SKAP1: variants seen among roughly 807,000 people sequenced by gnomAD.
SKAP1 encodes src kinase associated phosphoprotein 1, also known as src kinase-associated phosphoprotein 1.
In SKAP1, 44 loss-of-function variants were observed where a neutral mutation model predicts 58.5. The observed-to-expected ratio is 0.75, with a 90% CI of 0.59 to 0.97. The LOEUF is 0.97. Ranked by LOEUF, SKAP1 falls within the 50% of genes least tolerant of loss-of-function variation. The probability of loss-of-function intolerance (pLI) is 0.00; values close to 1 mark genes in which losing one functional copy is unlikely to be tolerated. For synonymous variants in SKAP1, 127 were observed against 149.7 expected, an observed-to-expected ratio of 0.85 and a Z score of 1.11; for missense variants, 390 against 435.2, an observed-to-expected ratio of 0.90 and a Z score of 0.92.
chr17:48,399,943 A>G (rs996519330), intron 1 of SKAP1, among the ~76,000 whole-genome samples: 25 of 152,260 alleles, frequency 1.6e-4, no homozygotes, highest in East Asian at 1.5e-3. Context: ...CAAACTGGAA[A>G]GGAAGAAGTA....
chr17:48,432,243 A>G (rs937586557), upstream of SKAP1, among the ~76,000 whole-genome samples: 14 of 152,190 alleles, frequency 9.2e-5, no homozygotes, highest in African/African-American at 3.4e-4. Context: ...AGCCTGACCA[A>G]TATAGTGAAA....
At chr17:48,257,628 C>CTTTTTTTTTTTTTTTTTTTTG (rs2065438880) in intron 4 of SKAP1, among the ~76,000 whole-genome samples, 2 of 111,152 alleles carry the variant, frequency 1.8e-5, no homozygotes, top group Admixed American at 9.3e-5. Context: ...TTCTTTCTTT[C>CTTTTTTTTTTTTTTTTTTTTG]TTTTTTTTTT....
At chr17:48,428,084 G>C (rs1179337234) in intron 1 of SKAP1, among the ~76,000 whole-genome samples, 2 of 151,890 alleles carry the variant, frequency 1.3e-5, no homozygotes, top group Non-Finnish European at 2.9e-5. Context: ...ATTATTACAG[G>C]AACCTTTAAA....
chr17:48,156,165 C>T (rs1261502090), intron 11 of SKAP1, among the ~76,000 whole-genome samples: 1 of 152,240 alleles, frequency 6.6e-6, no homozygotes. Context: ...TTTATATTAG[C>T]TCCTATTTCA....
At chr17:48,347,668 T>A (rs2066740335) in intron 3 of SKAP1, among the ~76,000 whole-genome samples, 1 of 152,240 alleles carries the variant, frequency 6.6e-6, no homozygotes, top group Admixed American at 6.5e-5. Context: ...TACTCTCTTT[T>A]ATTAGTTTAC....
chr17:48,165,167 T>A (rs1277835039), intron 10 of SKAP1, among the ~76,000 whole-genome samples: 3 of 152,122 alleles, frequency 2.0e-5, no homozygotes, highest in Admixed American at 6.5e-5. Context: ...CTAACATAGT[T>A]TGAGGGGTCA....
At chr17:48,364,073 C>A (rs751916655) in intron 2 of SKAP1, among the ~76,000 whole-genome samples, 1 of 152,180 alleles carries the variant, frequency 6.6e-6, no homozygotes, top group Non-Finnish European at 1.5e-5. Flanking sequence ...TAAAAGGGAA[C>A]CTAGCGGTGG....
intron 4 of SKAP1, among the ~76,000 whole-genome samples, chr17:48,280,523 C>T (rs573062407): frequency 6.6e-6 from 1 of 152,100 alleles, no homozygotes; most frequent in African/African-American, 2.4e-5. Flanking sequence ...AAATGACACA[C>T]AAAAAACACA....
At chr17:48,190,286 G>A (rs1280437085) in intron 4 of SKAP1, among the ~76,000 whole-genome samples, 1 of 151,522 alleles carries the variant, frequency 6.6e-6, no homozygotes, top group African/African-American at 2.4e-5. Flanking sequence ...TTTTTTTGTT[G>A]TATTTTTAGT....
At chr17:48,366,239 T>A (rs888003672) in intron 2 of SKAP1, among the ~76,000 whole-genome samples, 1 of 152,226 alleles carries the variant, frequency 6.6e-6, no homozygotes, top group Non-Finnish European at 1.5e-5. Flanking sequence ...GGAGAATAAG[T>A]ATGTTGCCAT....
intron 4 of SKAP1, among the ~76,000 whole-genome samples, chr17:48,307,078 G>A (rs2066152279): frequency 6.6e-6 from 1 of 152,112 alleles, no homozygotes; most frequent in African/African-American, 2.4e-5. Context: ...TAATATATGA[G>A]TATGTGAAGT....
Position 48,162,468 on chromosome 17 carries a change from C to T in SKAP1, c.978+1G>A. 1 of 1,610,724 alleles carries T rather than the reference C, an allele frequency of 6.2e-7. No homozygotes were observed. The highest frequency in any genetic ancestry group is 8.5e-7 in the Non-Finnish European group (1 of 1,177,448). On this transcript the variant is annotated splice_donor_variant, in intron 11 of 12. Transcript: ENST00000336915. LOFTEE classifies it high-confidence loss of function. ...TTAAGCCCCACACTTTCTGTCCTTA[C>T]CTTGCTCAGAATACGGATGAGGTCA... is the stretch of plus-strand genomic sequence containing the variant.
intron 3 of SKAP1, among the ~76,000 whole-genome samples, chr17:48,349,875 T>A (rs2066775280): frequency 6.6e-6 from 1 of 152,212 alleles, no homozygotes; most frequent in Non-Finnish European, 1.5e-5. Context: ...CCCTGTGTTT[T>A]CATTAACAGT....
chr17:48,422,895 A>G (rs1470357814), intron 1 of SKAP1, among the ~76,000 whole-genome samples: 3 of 152,258 alleles, frequency 2.0e-5, no homozygotes, highest in Non-Finnish European at 4.4e-5. Flanking sequence ...ATTTAAAACC[A>G]TAATGAAAGC....
rs144227171 is a variant in SKAP1 at position 48,135,133 on chromosome 17, C to T, written c.*8-1317G>A. 2.8e-3 allele frequency among the ~76,000 whole-genome samples: 428 copies of T among 152,304 alleles called. 12 individuals carry two copies. Among genetic ancestry groups the T allele is most frequent in the Admixed American group, 0.024 (373 of 15,302 alleles). On this transcript the variant is annotated intron_variant, in intron 12 of 12. Coordinates refer to ENST00000336915, the MANE Select transcript of SKAP1 (RefSeq NM_003726.4). ...CCTGAGCTGGTGTTGTATGGTTGTACAAGGGCATTGGAGAATAAGATCTAT... is the reference window on the plus strand; with the variant it reads ...CCTGAGCTGGTGTTGTATGGTTGTATAAGGGCATTGGAGAATAAGATCTAT...
rs556467361 is a variant in SKAP1, at chr17:48,157,795, T to C, written c.978+4674A>G. 2.8e-3 allele frequency among the ~76,000 whole-genome samples: 421 copies of C among 150,910 alleles called. 2 individuals are homozygous for C. Among genetic ancestry groups the C allele is most frequent in the African/African-American group, 9.8e-3 (405 of 41,170 alleles). On this transcript the variant is annotated intron_variant, in intron 11 of 12. Transcript: ENST00000336915. The stretch of plus-strand genomic sequence containing the variant: ...CTGCCAGCCTCGGCCTCCCAAAGTG[T>C]TGGGATTACAGGCATGAGCCACCAC...
chr17:48,273,099 G>A (rs555539143), intron 4 of SKAP1, among the ~76,000 whole-genome samples: 2 of 152,298 alleles, frequency 1.3e-5, no homozygotes, highest in South Asian at 2.1e-4. Context: ...ATGTAAAGAT[G>A]TTTATTTCTA....
At chr17:48,419,783 G>A (rs570699090) in intron 1 of SKAP1, among the ~76,000 whole-genome samples, 7 of 151,954 alleles carry the variant, frequency 4.6e-5, no homozygotes, top group South Asian at 2.1e-4. Context: ...TTAGTAAAGC[G>A]TCTATTATTT....
intron 4 of SKAP1, among the ~76,000 whole-genome samples, chr17:48,225,112 T>C (rs961935502): frequency 2.0e-5 from 3 of 152,236 alleles, no homozygotes; most frequent in African/African-American, 7.2e-5. Flanking sequence ...TTTGTATTTC[T>C]AGTATGTACG....
Sources: gnomAD v4.1 joint callset for allele counts (sites outside exome capture counted in the v4.1 genomes callset) on GRCh38, gnomAD v4.1.1 for gene constraint, MANE v1.5 for transcripts, NCBI Gene and HGNC (gene_info 2026-07-23, HGNC 2026-07-21) for gene names.